The following TMEM63A variants were observed in gnomAD, a reference collection of about 807,000 sequenced individuals.
TMEM63A encodes the protein mechanosensitive cation channel TMEM63A.
A neutral mutation model predicts 100.6 loss-of-function variants in TMEM63A; 76 were observed. That is an observed-to-expected ratio of 0.76 (90% CI 0.63 to 0.91). The LOEUF (loss-of-function observed/expected upper bound fraction) is 0.91. TMEM63A is among the 40% of genes least tolerant of loss of function. The pLI, the probability that TMEM63A is intolerant of heterozygous loss-of-function variation, is 0.00. For synonymous variants in TMEM63A, 401 were observed against 401.1 expected, an observed-to-expected ratio of 1.00 and a Z score of 0.00; for missense variants, 876 against 1,008.8, an observed-to-expected ratio of 0.87 and a Z score of 1.78.
chr1:225,859,884 C>T (rs1669850136), intron 14 of TMEM63A: 1 of 159,376 alleles, frequency 6.3e-6, no homozygotes. Flanking sequence ...TGAGCTCAGG[C>T]AATCCGCCTG....
Position 225,877,382 on chromosome 1 carries a change from T to A in TMEM63A, c.186+13A>T. The A allele has an allele frequency of 6.2e-7, 1 of 1,606,206 alleles. No individual in the cohort carries two copies. The highest frequency in any genetic ancestry group is 8.5e-7 in the Non-Finnish European group (1 of 1,173,880). On this transcript the variant is annotated intron_variant, in intron 3 of 24. Coordinates refer to ENST00000366835, the MANE Select transcript of TMEM63A (RefSeq NM_014698.3). The stretch of plus-strand genomic sequence containing the variant: ...AACTGAGGCAGTGGGACACGACTCA[T>A]GAGGGCTCTCACCAGGAAGCAGCTG...
chr1:225,842,048 T>A (rs45506993), downstream of TMEM63A, among the ~76,000 whole-genome samples: 33 of 152,364 alleles, frequency 2.2e-4, no homozygotes, highest in South Asian at 6.2e-3. Flanking sequence ...CCCGCCTTTT[T>A]AAAAACAGCA....
chr1:225,880,416 G>A (rs1161011391), intron 1 of TMEM63A, among the ~76,000 whole-genome samples: 1 of 152,174 alleles, frequency 6.6e-6, no homozygotes, highest in Non-Finnish European at 1.5e-5. Context: ...CCATGGGACA[G>A]TGCTGCCAGG....
intron 2 of TMEM63A, among the ~76,000 whole-genome samples, chr1:225,878,169 T>C (rs982140779): frequency 1.3e-5 from 2 of 152,188 alleles, no homozygotes; most frequent in African/African-American, 4.8e-5. Context: ...GATGGGTCCA[T>C]CTGCTATACT....
chr1:225,848,412 C>T (rs749282468), intron 23 of TMEM63A, 80 bp downstream of exon 23: 87 of 1,447,268 alleles, frequency 6.0e-5, no homozygotes, highest in South Asian at 3.1e-4. Context: ...AAAGATTTGC[C>T]GGGGCCCATC....
rs1474438026 is a variant in TMEM63A at position 225,862,430 on chromosome 1, C to G, written c.951+25G>C. On this transcript the variant is annotated intron_variant, in intron 12 of 24. Coordinates refer to ENST00000366835, the MANE Select transcript of TMEM63A (RefSeq NM_014698.3). This position sits in a 1 kb window ranked among gnomAD's most constrained non-coding sequence, Gnocchi z 5.1. ...GCACCCCGATGCCAATGCCTCTGCTCCCAGCCGGGGGGTGGGACCCTTACC... is the reference window on the plus strand; with the variant it reads ...GCACCCCGATGCCAATGCCTCTGCTGCCAGCCGGGGGGTGGGACCCTTACC... The G allele has an allele frequency of 1.9e-6, 3 of 1,613,766 alleles. No homozygotes were observed. Among genetic ancestry groups the G allele is most frequent in the Non-Finnish European group, 2.5e-6 (3 of 1,179,806 alleles).
intron 14 of TMEM63A, 195 bp downstream of exon 14, chr1:225,860,665 G>T: frequency 2.1e-6 from 1 of 465,490 alleles, no homozygotes; most frequent in Non-Finnish European, 3.5e-6. Context: ...ATGCTAGGGA[G>T]GAACACTGGA....
At chr1:225,869,790 G>A (rs1403846833) in intron 6 of TMEM63A, among the ~76,000 whole-genome samples, 2 of 150,212 alleles carry the variant, frequency 1.3e-5, no homozygotes, top group Non-Finnish European at 3.0e-5. Flanking sequence ...AGCCTCCCGA[G>A]TAGCTGGGAT....
At chr1:225,852,813 TC>T (rs767660680) in intron 19 of TMEM63A, 44 bp from the exon 20 acceptor site, 1 of 1,555,020 alleles carries the variant, frequency 6.4e-7, no homozygotes, top group Admixed American at 1.7e-5. Context: ...TTGTTCCACC[TC>T]AAACACCCTT....
chr1:225,859,497 C>G (rs1450787111), intron 14 of TMEM63A, 148 bp from the exon 15 acceptor site: 11 of 929,456 alleles, frequency 1.2e-5, no homozygotes, highest in Non-Finnish European at 1.8e-5. Flanking sequence ...AAGACCAAAT[C>G]TTAGGTCCCC....
At position 225,874,255 on chromosome 1, in the gene TMEM63A, C is replaced by T. The variant is rs760538657; in HGVS notation, c.266+33G>A. Reference sequence around the variant, plus strand: ...ATATACACACTCACACGTACGCACACGCATGCTCACAGCCTAGGCGATATG... The same window carrying T: ...ATATACACACTCACACGTACGCACATGCATGCTCACAGCCTAGGCGATATG... On this transcript the variant is annotated intron_variant, in intron 4 of 24. Transcript: ENST00000366835. The T allele has an allele frequency of 1.6e-5, 25 of 1,602,242 alleles. No homozygotes were observed. In the East Asian group the frequency reaches 1.8e-4, roughly 11 times the overall value.
intron 1 of TMEM63A, among the ~76,000 whole-genome samples, chr1:225,880,150 T>G (rs750610975): frequency 2.0e-5 from 3 of 152,148 alleles, no homozygotes; most frequent in Non-Finnish European, 4.4e-5. Flanking sequence ...GCAAATACTA[T>G]CAGCCTGAGA....
In TMEM63A at chr1:225,862,442, G is replaced by A. The variant is rs777573546; in HGVS notation, c.951+13C>T. 3 of 1,614,018 alleles carry A rather than the reference G, an allele frequency of 1.9e-6. No homozygotes were observed. The highest frequency in any genetic ancestry group is 1.1e-5 in the South Asian group (1 of 91,084). On this transcript the variant is annotated intron_variant, in intron 12 of 24. Coordinates refer to ENST00000366835, the MANE Select transcript of TMEM63A (RefSeq NM_014698.3). The surrounding 1 kb of genome is among the most constrained non-coding windows in gnomAD (Gnocchi z 5.1). ...CAATGCCTCTGCTCCCAGCCGGGGG[G>A]TGGGACCCTTACCCACTCACAGCCC...
At chr1:225,866,434 A>G in intron 9 of TMEM63A, 140 bp downstream of exon 9, 1 of 676,470 alleles carries the variant, frequency 1.5e-6, no homozygotes. Context: ...AAGTGTGAGC[A>G]AGAATAAGCA....
downstream of TMEM63A, chr1:225,844,499 A>G: frequency 1.2e-6 from 2 of 1,614,062 alleles, no homozygotes; most frequent in Non-Finnish European, 1.7e-6. Context: ...CGTTCCCAGG[A>G]AGTTCTCCCT....
At chr1:225,880,788 T>C (rs552428517) in intron 1 of TMEM63A, among the ~76,000 whole-genome samples, 1 of 152,274 alleles carries the variant, frequency 6.6e-6, no homozygotes, top group South Asian at 2.1e-4. Flanking sequence ...TGGTCTAAAT[T>C]TGCCAAAGTA....
At position 225,865,780 on chromosome 1, in the gene TMEM63A, ACCTGGATAC is replaced by A; in HGVS notation, c.746+108_746+116del. On this transcript the variant is annotated intron_variant, in intron 10 of 24. Transcript: ENST00000366835. The surrounding 1 kb of genome is among the most constrained non-coding windows in gnomAD (Gnocchi z 4.6). ...CAGGGCCAGGTCCTTCTCAGATCTC[ACCTGGATAC>A]CCAAGCGAGAGACAGAAGGCGCTCA... The A allele has an allele frequency of 9.7e-7, 1 of 1,031,122 alleles. No individual in the cohort carries two copies. The highest frequency in any genetic ancestry group is 2.1e-5 in the Admixed American group (1 of 47,712). 63.9% of individuals were successfully genotyped at this position (1,031,122 alleles called of 1,614,324 possible). A position where few individuals can be genotyped will look rare whatever the true frequency, so the allele number is the denominator to read the frequency against.
chr1:225,842,789 G>A (rs1051209872), downstream of TMEM63A, among the ~76,000 whole-genome samples: 4 of 152,228 alleles, frequency 2.6e-5, no homozygotes, highest in Non-Finnish European at 5.9e-5. Context: ...ATTGTCAAGA[G>A]CACCTGGGCT....
At chr1:225,868,893 G>A (rs1465028549) in intron 6 of TMEM63A, among the ~76,000 whole-genome samples, 1 of 152,022 alleles carries the variant, frequency 6.6e-6, no homozygotes, top group Non-Finnish European at 1.5e-5. Context: ...TACACTTGGA[G>A]GCTCTGGGTC....
Sources: allele counts gnomAD v4.1 joint callset (sites outside exome capture counted in the v4.1 genomes callset), GRCh38; gene constraint gnomAD v4.1.1; non-coding constraint Gnocchi (gnomAD v3.1); transcripts MANE v1.5; gene names NCBI Gene and HGNC (gene_info 2026-07-23, HGNC 2026-07-21).